OBP2B: variants seen among roughly 807,000 people sequenced by gnomAD.
OBP2B encodes odorant-binding protein 2b.
In OBP2B, 10 loss-of-function variants were observed where a neutral mutation model predicts 21.7. The ratio of observed to expected loss-of-function variants is 0.46; its 90% CI spans 0.28 to 0.78. The LOEUF is 0.78. Ranked by LOEUF, OBP2B falls within the 30% of genes least tolerant of loss-of-function variation. OBP2B has a pLI of 0.11. For synonymous variants in OBP2B, 73 were observed against 91.5 expected (o/e 0.80, Z 1.16); for missense variants, 153 against 217.7 (o/e 0.70, Z 1.87).
the OBP2B span, among the ~76,000 whole-genome samples, chr9:133,220,054 T>C: frequency 6.6e-6 from 1 of 152,172 alleles, no homozygotes; most frequent in Non-Finnish European, 1.5e-5. Context: ...CTATGAAGTG[T>C]CCAGAACAGG....
the OBP2B span, among the ~76,000 whole-genome samples, chr9:133,217,158 T>C: frequency 1.3e-5 from 2 of 152,224 alleles, no homozygotes; most frequent in Non-Finnish European, 2.9e-5. Context: ...TGTTTGATTT[T>C]TGCAGACTTT....
chr9:133,216,445 T>G, the OBP2B span, among the ~76,000 whole-genome samples: 7 of 151,420 alleles, frequency 4.6e-5, no homozygotes, highest in Non-Finnish European at 7.4e-5. Context: ...TGAGGATGCA[T>G]GGAAACTGGA....
At position 133,207,873 on chromosome 9, in the gene OBP2B, T is replaced by C. The variant is rs147007989; in HGVS notation, c.277+260A>G. On this transcript the variant is annotated intron_variant, in intron 3 of 6. Coordinates refer to ENST00000372034, the MANE Select transcript of OBP2B (RefSeq NM_014581.4). ...TGGCCTCCTTGTCCCAATCCTCAGC[T>C]TCCTCAATGTGTCAATGGCTAGGGC... is the stretch of plus-strand genomic sequence containing the variant. 6.3e-4 allele frequency: 959 copies of C among 1,522,496 alleles called. 9 individuals carry two copies. In the African/African-American group the frequency reaches 0.012, roughly 19 times the overall value. The allele number at this position is 1,522,496 out of a possible 1,614,324, so 94.3% of individuals were successfully genotyped here.
At chr9:133,211,227 C>T (rs1161176679), upstream of OBP2B, among the ~76,000 whole-genome samples, 21 of 152,206 alleles carry the variant, frequency 1.4e-4, no homozygotes, top group Admixed American at 7.9e-4. Flanking sequence ...TGGGAGCTTA[C>T]GATGAATCTC....
In OBP2B at chr9:133,207,142, C is replaced by A. The variant is rs1164847723; in HGVS notation, c.388+84G>T. The A allele has an allele frequency of 1.0e-5, 10 of 971,996 alleles. No homozygotes were observed. The East Asian group carries it at 2.4e-4, about 23-fold the overall frequency. The allele number at this position is 971,996 out of a possible 1,614,324, so 60.2% of individuals were successfully genotyped here. Reference sequence around the variant, plus strand: ...ACAGGGGGCTTCCTTTTCCCCCATGCCAGGGCATGGTGGTGCTGGTTCCAC... The same window carrying A: ...ACAGGGGGCTTCCTTTTCCCCCATGACAGGGCATGGTGGTGCTGGTTCCAC... On this transcript the variant is annotated intron_variant, in intron 4 of 6. Coordinates refer to ENST00000372034, the MANE Select transcript of OBP2B (RefSeq NM_014581.4).
At chr9:133,210,683 C>A (rs147017594), upstream of OBP2B, among the ~76,000 whole-genome samples, 2 of 152,340 alleles carry the variant, frequency 1.3e-5, no homozygotes, top group East Asian at 3.9e-4. Context: ...ACGACATGCA[C>A]AGATGCTTCA....
At chr9:133,223,065 T>G in the OBP2B span, among the ~76,000 whole-genome samples, 1 of 152,176 alleles carries the variant, frequency 6.6e-6, no homozygotes, top group Non-Finnish European at 1.5e-5. The surrounding 1 kb of genome is among the most constrained non-coding windows in gnomAD (Gnocchi z 4.4). Context: ...GGCTCACTGG[T>G]GACGACGTAT....
intron 1 of OBP2B, among the ~76,000 whole-genome samples, 193 bp downstream of exon 1, chr9:133,208,935 C>T (rs1450011417): frequency 6.6e-6 from 1 of 152,008 alleles, no homozygotes; most frequent in African/African-American, 2.4e-5. Flanking sequence ...TGAGACGAGC[C>T]TGCTCCGGCC....
upstream of OBP2B, among the ~76,000 whole-genome samples, chr9:133,209,464 G>A (rs1319009028): frequency 6.6e-6 from 1 of 152,050 alleles, no homozygotes; most frequent in African/African-American, 2.4e-5. This position sits in a 1 kb window ranked among gnomAD's most constrained non-coding sequence, Gnocchi z 6.0. Context: ...ACCCGAACGC[G>A]CCCACTCAGA....
upstream of OBP2B, among the ~76,000 whole-genome samples, chr9:133,211,265 G>A (rs1833913503): frequency 6.6e-6 from 1 of 152,226 alleles, no homozygotes; most frequent in Non-Finnish European, 1.5e-5. Context: ...CAACTGCACA[G>A]TAGGGACCAT....
the OBP2B span, among the ~76,000 whole-genome samples, chr9:133,220,459 C>T: frequency 6.6e-6 from 1 of 152,140 alleles, no homozygotes; most frequent in African/African-American, 2.4e-5. Context: ...CATGGGCAGA[C>T]TGAATAATGG....
chr9:133,219,520 A>ATGTCATT, the OBP2B span, among the ~76,000 whole-genome samples: 1 of 152,230 alleles, frequency 6.6e-6, no homozygotes, highest in African/African-American at 2.4e-5. Flanking sequence ...AATATGCTCA[A>ATGTCATT]TGTCATTAGT....
In OBP2B at chr9:133,207,333, C is replaced by T. The variant is rs2119393093; in HGVS notation, c.281G>A (p.Gly94Glu). Residue 94 changes from glycine to glutamate, a missense_variant, in exon 4 of 7, where the codon GGG (glycine) becomes GAG (glutamate). By Grantham distance (98) the Gly-to-Glu change is moderately conservative. Around this residue, in one of 2 missense-constraint regions of OBP2B, gnomAD observed 151 missense variants for 186.3 expected, o/e 0.81. Transcript: ENST00000372034. ...TEEPGKYSAY[G>E]GRKLMYLQEL... ...CTGCAGGTACATGAGCTTCCTGCCC[C>T]CATCTGTAGATGACAGAGAAAATGG... 13 of 1,602,550 alleles carry T rather than the reference C, an allele frequency of 8.1e-6. No individual in the cohort carries two copies. The highest frequency in any genetic ancestry group is 1.1e-5 in the Non-Finnish European group (13 of 1,169,954).
intron 6 of OBP2B, 116 bp downstream of exon 6, chr9:133,205,801 C>T (rs1263565468): frequency 3.7e-6 from 5 of 1,351,904 alleles, no homozygotes; most frequent in Non-Finnish European, 5.0e-6. Flanking sequence ...TCGTGCCTGA[C>T]CCTGGGGGGG....
the OBP2B span, among the ~76,000 whole-genome samples, chr9:133,221,531 C>T: frequency 3.0e-4 from 46 of 152,316 alleles, 2 homozygotes; most frequent in East Asian, 6.8e-3. Flanking sequence ...CTTTGGGAAG[C>T]CAACTGGCTG....
the OBP2B span, among the ~76,000 whole-genome samples, chr9:133,215,220 G>A: frequency 1.2e-4 from 18 of 152,278 alleles, no homozygotes; most frequent in African/African-American, 3.9e-4. Context: ...CAACCCATAT[G>A]CTGGATTTGT....
intron 1 of OBP2B, 139 bp from the exon 2 acceptor site, chr9:133,208,741 T>C (rs1343441925): frequency 1.4e-6 from 2 of 1,429,422 alleles, no homozygotes; most frequent in Admixed American, 2.5e-5. Context: ...TCCTGCACCT[T>C]AGTTAGAGCT....
In OBP2B at chr9:133,208,201, C is replaced by G; in HGVS notation, c.209G>C (p.Arg70Thr). The G allele has an allele frequency of 6.2e-7, 1 of 1,612,002 alleles. No homozygotes were observed. ...TTTCTTCTGGATGCACCTATCCTCC[C>G]TCCTGGAAAACAGGAGACACGCGGG... is the stretch of plus-strand genomic sequence containing the variant. ...GKLEATFTFMREDRCIQKKIL... is the reference protein window; with the variant it reads ...GKLEATFTFMTEDRCIQKKIL... Residue 70 changes from arginine (R) to threonine (T), a missense_variant and splice_region_variant, in exon 3 of 7, where the codon AGG (arginine) becomes ACG (threonine). Coordinates refer to ENST00000372034, the MANE Select transcript of OBP2B (RefSeq NM_014581.4).
upstream of OBP2B, among the ~76,000 whole-genome samples, chr9:133,212,288 G>A (rs1270495161): frequency 6.6e-6 from 1 of 152,174 alleles, no homozygotes; most frequent in African/African-American, 2.4e-5. Flanking sequence ...AAAACCAGCA[G>A]GGACATCAAA....
Sources: gnomAD v4.1 joint callset for allele counts (sites outside exome capture counted in the v4.1 genomes callset) on GRCh38, gnomAD v4.1.1 for gene constraint, gnomAD v4.1.1 regional missense constraint, Gnocchi (gnomAD v3.1) non-coding constraint, MANE v1.5 for transcripts, NCBI Gene and HGNC (gene_info 2026-07-23, HGNC 2026-07-21) for gene names.